Variants in TRAPPC2L observed in about 807,000 individuals in gnomAD.
The protein encoded by TRAPPC2L is trafficking protein particle complex subunit 2L.
TRAPPC2L carries 17 observed loss-of-function variants against 13.2 expected under a neutral mutation model. That is an observed-to-expected ratio of 1.29 (90% CI 0.88 to 1.93). The LOEUF is 1.93. Ranked by LOEUF, TRAPPC2L falls within the 30% of genes most tolerant of loss-of-function variation. The pLI is 0.00. For synonymous variants in TRAPPC2L, 150 were observed against 98.1 expected, an observed-to-expected ratio of 1.53 and a Z score of -3.12; for missense variants, 359 against 252.1, an observed-to-expected ratio of 1.42 and a Z score of -2.87.
At chr16:88,861,444 C>G in exon 4 of TRAPPC2L, 1 of 347,570 alleles carries the variant, frequency 2.9e-6, no homozygotes, top group Non-Finnish European at 5.7e-6. Flanking sequence ...GACTTGGCCT[C>G]CATTCTTTGC....
exon 4 of TRAPPC2L, chr16:88,862,519 C>A (rs1486248796): frequency 6.6e-6 from 1 of 152,390 alleles, no homozygotes; most frequent in Non-Finnish European, 1.5e-5. Flanking sequence ...AAGGGTCACA[C>A]CCTAAGGACA....
At chr16:88,859,779 C>CGAGT in intron 3 of TRAPPC2L, 29 bp downstream of exon 3, 4 of 1,596,854 alleles carry the variant, frequency 2.5e-6, no homozygotes, top group Non-Finnish European at 3.4e-6. Flanking sequence ...GGGCCACGCC[C>CGAGT]GAGTGGGTGT....
intron 1 of TRAPPC2L, 92 bp from the exon 2 acceptor site, chr16:88,858,527 T>TA: frequency 7.2e-7 from 1 of 1,394,594 alleles, no homozygotes. Flanking sequence ...GTTCCCCGGG[T>TA]GGCTGCAGGT....
At chr16:88,861,637 C>T (rs781500241) in exon 4 of TRAPPC2L, 23 of 497,982 alleles carry the variant, frequency 4.6e-5, no homozygotes, top group African/African-American at 1.6e-4. Context: ...CACTTGATGA[C>T]GTGGCTGACT....
exon 2 of TRAPPC2L, chr16:88,858,768 C>G: frequency 1.2e-6 from 2 of 1,613,402 alleles, no homozygotes; most frequent in Non-Finnish European, 1.7e-6. Flanking sequence ...TGGGCCTGCT[C>G]TACCCCACGG....
rs766510287 is a variant in TRAPPC2L, at chr16:88,858,694, G to T, written c.109G>T (p.Asp37Tyr). 18 of 1,613,640 alleles carry T rather than the reference G, an allele frequency of 1.1e-5. No individual in the cohort carries two copies. Among genetic ancestry groups the T allele is most frequent in the Admixed American group, 1.7e-5 (1 of 60,024 alleles). Residue 37 changes from aspartate (D) to tyrosine (Y), a missense_variant, in exon 2 of 4, where the codon GAC (aspartate) becomes TAC (tyrosine). Transcript: ENST00000565504. ...CCACTACATGGTGCACACATCTCTG[G>T]ACGTGGTGGATGAGAAGATCTCCGC...
At chr16:88,857,181 G>A (rs763770257) in exon 1 of TRAPPC2L, 1 of 1,577,766 alleles carries the variant, frequency 6.3e-7, no homozygotes, top group Admixed American at 1.7e-5. Context: ...GATTGCCAAG[G>A]AGGTGCGTAC....
rs892697911 is a variant in TRAPPC2L, at chr16:88,861,274, T to G, written c.*950T>G. 1.2e-5 allele frequency: 5 copies of G among 420,206 alleles called. 1 individual carries two copies. Among genetic ancestry groups the G allele is most frequent in the Non-Finnish European group, 1.8e-5 (4 of 224,482 alleles). The allele number at this position is 420,206 out of a possible 1,614,324, so 26.0% of individuals were successfully genotyped here. On this transcript the variant is annotated 3_prime_UTR_variant, in exon 4 of 4. Transcript: ENST00000565504. ...GGCAGGGGTGCCTGGAGCCAAGAGT[T>G]CCTGAGCCTGCAGGACCTGTGACCA...
chr16:88,857,131 C>G (rs748345832), exon 1 of TRAPPC2L: 7 of 1,562,430 alleles, frequency 4.5e-6, no homozygotes, highest in Non-Finnish European at 6.0e-6. Flanking sequence ...GACGCGGTGC[C>G]TGGCGCCGAG....
rs1181733230 is a variant in TRAPPC2L, at chr16:88,860,133, G to T, written c.535G>T (p.Val179Phe). The T allele has an allele frequency of 2.4e-5, 18 of 735,288 alleles. No homozygotes were observed. The Admixed American group carries it at 2.6e-4, about 11-fold the overall frequency. 45.5% of individuals were successfully genotyped at this position (735,288 alleles called of 1,614,324 possible). The change falls in exon 4 of 4, where the codon GTT (valine) becomes TTT (phenylalanine). Residue 179 changes from valine to phenylalanine, a missense_variant. Physicochemically the swap from Val to Phe is conservative, Grantham distance 50. Coordinates refer to ENST00000565504, the Ensembl canonical transcript of TRAPPC2L. ...AGAGGTTTTAAAGCCACAAAGCCCC[G>T]TTTCTCCACACCAACTCTTACACAG...
upstream of TRAPPC2L, chr16:88,856,272 C>G (rs1384361262): frequency 1.4e-5 from 10 of 702,920 alleles, no homozygotes; most frequent in African/African-American, 7.0e-5. Flanking sequence ...AGCGGGGGGA[C>G]CCGGCGGCCC....
At chr16:88,857,906 TC>T (rs2143014787) in intron 1 of TRAPPC2L, among the ~76,000 whole-genome samples, 1 of 152,340 alleles carries the variant, frequency 6.6e-6, no homozygotes, top group Admixed American at 6.5e-5. Context: ...AGCCAGGGTC[TC>T]CCGAGACCAG....
chr16:88,856,404 A>G (rs1334343356), upstream of TRAPPC2L: 1 of 701,168 alleles, frequency 1.4e-6, no homozygotes, highest in Admixed American at 2.0e-5. Flanking sequence ...GAGGGCGGGA[A>G]AGGTCAGACG....
intron 1 of TRAPPC2L, among the ~76,000 whole-genome samples, chr16:88,858,407 G>A (rs1968131149): frequency 1.3e-5 from 2 of 152,172 alleles, no homozygotes; most frequent in Non-Finnish European, 1.5e-5. Context: ...CCCTACTGCT[G>A]CTGCTTTGCA....
At chr16:88,857,790 C>G (rs1027045821) in intron 1 of TRAPPC2L, among the ~76,000 whole-genome samples, 2 of 152,252 alleles carry the variant, frequency 1.3e-5, no homozygotes, top group Non-Finnish European at 2.9e-5. Context: ...AGCTCCCATC[C>G]TCTTTACTGG....
chr16:88,856,351 C>T (rs1392455566), upstream of TRAPPC2L: 70 of 702,074 alleles, frequency 1.0e-4, no homozygotes, highest in Admixed American at 1.4e-3. Context: ...CCTCTTCCTC[C>T]CTTTGGGGAG....
exon 4 of TRAPPC2L, chr16:88,861,111 G>A: frequency 5.5e-6 from 4 of 723,286 alleles, no homozygotes; most frequent in Non-Finnish European, 6.9e-6. Flanking sequence ...CTTGTGAGAG[G>A]AGATTTGGCT....
At chr16:88,858,526 G>A in intron 1 of TRAPPC2L, 93 bp from the exon 2 acceptor site, 2 of 1,392,034 alleles carry the variant, frequency 1.4e-6, no homozygotes, top group Non-Finnish European at 2.0e-6. Context: ...CGTTCCCCGG[G>A]TGGCTGCAGG....
chr16:88,857,349 A>G (rs1968004466), intron 1 of TRAPPC2L, 166 bp downstream of exon 1: 3 of 618,948 alleles, frequency 4.8e-6, no homozygotes, highest in East Asian at 3.5e-5. Context: ...GCCGCCAGGC[A>G]GACCCTGACT....
Sources: allele counts gnomAD v4.1 joint callset (sites outside exome capture counted in the v4.1 genomes callset), GRCh38; gene constraint gnomAD v4.1.1; transcripts MANE v1.5; gene names NCBI Gene and HGNC (gene_info 2026-07-23, HGNC 2026-07-21).